The following NFIB variants were observed in gnomAD, a reference collection of about 807,000 sequenced individuals.
NFIB encodes nuclear factor I B.
A neutral mutation model predicts 61.5 loss-of-function variants in NFIB; 11 were observed. That is an observed-to-expected ratio of 0.18 (90% confidence interval 0.11 to 0.30). The LOEUF (loss-of-function observed/expected upper bound fraction) is 0.30. NFIB is among the 10% of genes least tolerant of loss of function. The probability of loss-of-function intolerance (pLI) is 1.00; values close to 1 mark genes in which losing one functional copy is unlikely to be tolerated. For synonymous variants in NFIB, 260 were observed against 216.5 expected (o/e 1.20, Z -1.76); for missense variants, 471 against 608.9 (o/e 0.77, Z 2.38).
the NFIB span, among the ~76,000 whole-genome samples, chr9:14,526,147 T>C: frequency 2.0e-5 from 3 of 152,076 alleles, no homozygotes; most frequent in African/African-American, 7.2e-5. Flanking sequence ...CATAAACATA[T>C]CCATTATGTT....
At chr9:14,370,840 A>G (rs2061349947) in intron 1 of NFIB, among the ~76,000 whole-genome samples, 1 of 152,220 alleles carries the variant, frequency 6.6e-6, no homozygotes, top group South Asian at 2.1e-4. Context: ...CATGCCTGTA[A>G]TTCCAGCAGT....
rs139697923 is a variant in NFIB, at chr9:14,140,564, C to T, written c.925+6125G>A. ...ATGAAAATAGTTGAAATTTTTGTTA[C>T]AAAAAAACTTTGCAAATTTAGCTGA... On this transcript the variant is annotated intron_variant, in intron 6 of 10. Coordinates refer to ENST00000380953, the MANE Select transcript of NFIB (RefSeq NM_001190737.2). Among the ~76,000 whole-genome samples the T allele has an allele frequency of 4.8e-3, 732 of 152,204 alleles. 5 individuals carry two copies. Among genetic ancestry groups the T allele is most frequent in the African/African-American group, 0.015 (631 of 41,532 alleles).
intron 1 of NFIB, among the ~76,000 whole-genome samples, chr9:14,382,908 T>C (rs1023819937): frequency 6.6e-6 from 1 of 152,148 alleles, no homozygotes; most frequent in Non-Finnish European, 1.5e-5. Context: ...AAAACCATCC[T>C]GGTGATACTA....
At chr9:14,274,093 T>C (rs2057820595) in intron 2 of NFIB, among the ~76,000 whole-genome samples, 1 of 152,176 alleles carries the variant, frequency 6.6e-6, no homozygotes, top group African/African-American at 2.4e-5. Context: ...TGCTTCTCTA[T>C]ATCTCATCTT....
At chr9:14,460,183 C>T in the NFIB span, among the ~76,000 whole-genome samples, 2 of 152,102 alleles carry the variant, frequency 1.3e-5, no homozygotes, top group Admixed American at 1.3e-4. Flanking sequence ...GAATACTATG[C>T]AGCCATAAAA....
chr9:14,485,951 G>C, the NFIB span, among the ~76,000 whole-genome samples: 1 of 152,002 alleles, frequency 6.6e-6, no homozygotes, highest in African/African-American at 2.4e-5. Flanking sequence ...AATGGAAATG[G>C]GACATATAGA....
At chr9:14,308,249 G>C (rs1034504089) in intron 1 of NFIB, among the ~76,000 whole-genome samples, 1 of 152,040 alleles carries the variant, frequency 6.6e-6, no homozygotes, top group Non-Finnish European at 1.5e-5. Context: ...ACAGCTCGTC[G>C]TATCAGTGTC....
At chr9:14,207,622 C>A (rs2049878380) in intron 2 of NFIB, among the ~76,000 whole-genome samples, 1 of 152,332 alleles carries the variant, frequency 6.6e-6, no homozygotes, top group African/African-American at 2.4e-5. Flanking sequence ...TACCTTCCTC[C>A]TTCCCCACAA....
chr9:14,177,823 C>T (rs952965967), intron 3 of NFIB, among the ~76,000 whole-genome samples: 1 of 152,062 alleles, frequency 6.6e-6, no homozygotes, highest in Non-Finnish European at 1.5e-5. Context: ...ATGTTATATG[C>T]AAACAGAGAA....
chr9:14,275,883 C>A (rs1047174694), intron 2 of NFIB, among the ~76,000 whole-genome samples: 4 of 151,488 alleles, frequency 2.6e-5, no homozygotes, highest in Admixed American at 2.6e-4. Context: ...TGCCAAAAGA[C>A]TAAAAGTTGT....
chr9:14,383,739 C>A (rs113382961), intron 1 of NFIB, among the ~76,000 whole-genome samples: 1 of 152,184 alleles, frequency 6.6e-6, no homozygotes, highest in Non-Finnish European at 1.5e-5. Context: ...AGAGCGTACT[C>A]TGAAGATTTA....
intron 2 of NFIB, among the ~76,000 whole-genome samples, chr9:14,284,347 C>G (rs1354451173): frequency 6.6e-6 from 1 of 152,146 alleles, no homozygotes; most frequent in South Asian, 2.1e-4. Flanking sequence ...ATTTCTGGAT[C>G]TTTCCATACA....
the NFIB span, among the ~76,000 whole-genome samples, chr9:14,467,394 G>T: frequency 6.6e-6 from 1 of 151,932 alleles, no homozygotes; most frequent in African/African-American, 2.4e-5. Flanking sequence ...ATAAAATTTG[G>T]GGACGCATGA....
At chr9:14,152,385 T>A (rs1363199350) in intron 4 of NFIB, among the ~76,000 whole-genome samples, 2 of 152,098 alleles carry the variant, frequency 1.3e-5, no homozygotes, top group African/African-American at 4.8e-5. Flanking sequence ...AATCCCACAG[T>A]AACCGCATGT....
At chr9:14,388,483 GAA>G (rs988477561) in intron 1 of NFIB, among the ~76,000 whole-genome samples, 2 of 148,768 alleles carry the variant, frequency 1.3e-5, no homozygotes, top group African/African-American at 2.6e-5. Context: ...GAGAGAGAGA[GAA>G]AGAGAGAGAG....
the NFIB span, among the ~76,000 whole-genome samples, chr9:14,490,677 T>C: frequency 2.9e-4 from 44 of 152,092 alleles, no homozygotes; most frequent in Admixed American, 2.0e-3. Context: ...AATGTGAAGG[T>C]TGAATATACA....
chr9:14,513,439 C>T, the NFIB span, among the ~76,000 whole-genome samples: 1 of 151,848 alleles, frequency 6.6e-6, no homozygotes, highest in Admixed American at 6.6e-5. Context: ...ATCAGCCTAA[C>T]CAACATGGTG....
intron 1 of NFIB, among the ~76,000 whole-genome samples, chr9:14,325,127 A>G (rs2060738209): frequency 1.3e-5 from 2 of 152,066 alleles, no homozygotes; most frequent in Admixed American, 1.3e-4. Context: ...AAGCCTTTCT[A>G]AGAATATAAT....
chr9:14,157,586 G>C (rs1483175164), intron 3 of NFIB, among the ~76,000 whole-genome samples: 1 of 152,078 alleles, frequency 6.6e-6, no homozygotes, highest in Admixed American at 6.6e-5. Flanking sequence ...CTTATTTCTT[G>C]AGCAATTAAT....
Sources: allele counts gnomAD v4.1 joint callset (sites outside exome capture counted in the v4.1 genomes callset), GRCh38; gene constraint gnomAD v4.1.1; transcripts MANE v1.5; gene names NCBI Gene and HGNC (gene_info 2026-07-23, HGNC 2026-07-21).